The following ADAM2 variants were observed in gnomAD, a reference collection of about 807,000 sequenced individuals.
The protein encoded by ADAM2 is ADAM metallopeptidase domain 2.
In ADAM2, 101 loss-of-function variants were observed where a neutral mutation model predicts 99.3. The observed-to-expected ratio is 1.02, with a 90% CI of 0.87 to 1.20. The LOEUF (loss-of-function observed/expected upper bound fraction) is 1.20, where lower values mean the gene tolerates loss of function less well. Ranked by LOEUF, ADAM2 falls within the 50% of genes most tolerant of loss-of-function variation. ADAM2 has a pLI of 0.00. For synonymous variants in ADAM2, 323 were observed against 287.6 expected (o/e 1.12, Z -1.25); for missense variants, 948 against 878.7 (o/e 1.08, Z -1.00).
In ADAM2 at chr8:39,788,699, T is replaced by G; in HGVS notation, c.612A>C (p.Lys204Asn). 6.3e-7 allele frequency: 1 copy of G among 1,582,598 alleles called. No individual in the cohort carries two copies. The highest frequency in any genetic ancestry group is 8.6e-7 in the Non-Finnish European group (1 of 1,162,324). The part of the protein sequence containing the change: ...MGSDTTVVAQ[K>N]VFQLIGLTNA... ...TCGTCAATCCAATCAACTGGAAAACTTTTTGAGCGACAACAGTTGTATCAG... is the reference window on the plus strand; with the variant it reads ...TCGTCAATCCAATCAACTGGAAAACGTTTTGAGCGACAACAGTTGTATCAG... Residue 204 changes from lysine (K) to asparagine (N), a missense_variant, in exon 8 of 21, where the codon AAA becomes AAC. Coordinates refer to ENST00000265708, the MANE Select transcript of ADAM2 (RefSeq NM_001464.5).
At chr8:39,835,617 A>G (rs1357017687) in intron 2 of ADAM2, among the ~76,000 whole-genome samples, 1 of 151,300 alleles carries the variant, frequency 6.6e-6, no homozygotes, top group East Asian at 2.0e-4. Context: ...TGGGAGGCGG[A>G]GCTTGCAGTG....
intron 20 of ADAM2, among the ~76,000 whole-genome samples, chr8:39,744,613 A>C (rs551209899): frequency 6.6e-6 from 1 of 152,222 alleles, no homozygotes; most frequent in Non-Finnish European, 1.5e-5. Context: ...GGAGGGGAAC[A>C]TCACACACCA....
At chr8:39,775,741 C>A (rs1331175442) in intron 11 of ADAM2, among the ~76,000 whole-genome samples, 2 of 151,944 alleles carry the variant, frequency 1.3e-5, no homozygotes, top group African/African-American at 2.4e-5. Context: ...ATCTGGGATC[C>A]CTATTCCCTT....
chr8:39,781,279 G>A (rs759541999), intron 10 of ADAM2, among the ~76,000 whole-genome samples: 4 of 149,948 alleles, frequency 2.7e-5, no homozygotes, highest in East Asian at 3.9e-4. Flanking sequence ...GTGTGTACTT[G>A]TGTGTGTGTG....
intron 1 of ADAM2, 85 bp downstream of exon 1, chr8:39,838,046 C>T (rs1712249293): frequency 6.8e-7 from 1 of 1,462,644 alleles, no homozygotes; most frequent in African/African-American, 1.4e-5. Flanking sequence ...AAAGCATCCT[C>T]CCAGGGATGT....
At chr8:39,831,297 T>A (rs1294551279) in intron 3 of ADAM2, among the ~76,000 whole-genome samples, 1 of 152,112 alleles carries the variant, frequency 6.6e-6, no homozygotes, top group Non-Finnish European at 1.5e-5. Context: ...CAAGCAGCCC[T>A]ATTATTATGG....
chr8:39,746,688 ATTTCTGTAT>A, intron 18 of ADAM2, 57 bp from the exon 19 acceptor site: 1 of 1,358,852 alleles, frequency 7.4e-7, no homozygotes, highest in Non-Finnish European at 1.0e-6. Context: ...TAGTAAAGAT[ATTTCTGTAT>A]TTTACTACGT....
chr8:39,751,322 T>C (rs144190554), intron 16 of ADAM2, among the ~76,000 whole-genome samples: 11 of 152,324 alleles, frequency 7.2e-5, no homozygotes, highest in Middle Eastern at 3.4e-3. Context: ...TAGTTAGATA[T>C]ATAATTTGCA....
intron 3 of ADAM2, among the ~76,000 whole-genome samples, chr8:39,825,613 A>G (rs1034807062): frequency 6.6e-6 from 1 of 152,022 alleles, no homozygotes; most frequent in Non-Finnish European, 1.5e-5. Flanking sequence ...ATATAAATAT[A>G]TCATCAAAAG....
intron 4 of ADAM2, among the ~76,000 whole-genome samples, chr8:39,821,970 G>A (rs1038347740): frequency 6.6e-6 from 1 of 152,080 alleles, no homozygotes; most frequent in African/African-American, 2.4e-5. Context: ...ATGTTGCATG[G>A]TAGATAAGCA....
At chr8:39,829,788 C>G (rs924386626) in intron 3 of ADAM2, among the ~76,000 whole-genome samples, 2 of 151,786 alleles carry the variant, frequency 1.3e-5, no homozygotes, top group Admixed American at 1.3e-4. Flanking sequence ...GGATGCTATA[C>G]AGTAATAAAA....
At chr8:39,801,178 C>T (rs1290451369) in intron 7 of ADAM2, among the ~76,000 whole-genome samples, 1 of 152,156 alleles carries the variant, frequency 6.6e-6, no homozygotes, top group Non-Finnish European at 1.5e-5. Context: ...TTTGAGGCTG[C>T]TGACCCTTGG....
At chr8:39,748,831 C>T (rs1331236810) in intron 18 of ADAM2, among the ~76,000 whole-genome samples, 1 of 152,090 alleles carries the variant, frequency 6.6e-6, no homozygotes, top group African/African-American at 2.4e-5. Flanking sequence ...TTCTCTATAC[C>T]TCCAGCTCAT....
Position 39,755,767 on chromosome 8 carries a change from CT to C in ADAM2, c.1757del (p.Lys586ArgfsTer4), listed in dbSNP as rs1296620315. ...EFASDHADSQ[K>X]MWIKDGTSCG... ...AAGAAGTTCCATCTTTTATCCACAT[CT>C]TTTGGCTGTCTGCATGATCACTGGC... On this transcript the variant is annotated frameshift_variant, in exon 16 of 21. Transcript: ENST00000265708. LOFTEE classifies it high-confidence loss of function. 5 of 1,613,536 alleles carry C rather than the reference CT, an allele frequency of 3.1e-6. No individual in the cohort carries two copies. The Admixed American group carries it at 6.7e-5, about 22-fold the overall frequency.
intron 18 of ADAM2, among the ~76,000 whole-genome samples, chr8:39,747,519 T>C (rs529008230): frequency 3.3e-5 from 5 of 152,250 alleles, no homozygotes; most frequent in African/African-American, 1.2e-4. Flanking sequence ...TCAACTTAAG[T>C]TTTTCTGAGA....
At chr8:39,804,249 T>G (rs185197719) in intron 7 of ADAM2, among the ~76,000 whole-genome samples, 4 of 152,228 alleles carry the variant, frequency 2.6e-5, no homozygotes, top group Admixed American at 2.6e-4. Flanking sequence ...AATTATTTGA[T>G]GACTTGGATT....
At chr8:39,811,057 G>A (rs527721287) in intron 6 of ADAM2, among the ~76,000 whole-genome samples, 2 of 151,880 alleles carry the variant, frequency 1.3e-5, no homozygotes, top group African/African-American at 2.4e-5. Flanking sequence ...TAATAAAGAA[G>A]AAAAGAGAGA....
At position 39,824,865 on chromosome 8, in the gene ADAM2, C is replaced by A. The variant is rs979084286; in HGVS notation, c.221G>T (p.Ser74Ile). Residue 74 changes from serine (S) to isoleucine (I), a missense_variant, in exon 4 of 21, where the codon AGT (serine) becomes ATT (isoleucine). By Grantham distance (142) the Ser-to-Ile change is moderately radical (BLOSUM62 -2). Coordinates refer to ENST00000265708, the MANE Select transcript of ADAM2 (RefSeq NM_001464.5). ...TTTCATAATTCCTGTGCCACTATAA[C>A]TGTAAACTCTAAAATTATGGGGTAA... Reference protein sequence around the residue: ...NFLPHNFRVYSYSGTGIMKPL... With the variant: ...NFLPHNFRVYIYSGTGIMKPL... 5 of 1,565,544 alleles carry A rather than the reference C, an allele frequency of 3.2e-6. No individual in the cohort carries two copies. Among genetic ancestry groups the A allele is most frequent in the African/African-American group, 2.7e-5 (2 of 73,514 alleles).
intron 1 of ADAM2, among the ~76,000 whole-genome samples, chr8:39,837,780 G>A (rs1455275224): frequency 1.3e-5 from 2 of 152,088 alleles, no homozygotes; most frequent in African/African-American, 2.4e-5. Context: ...AAGCCCCTCA[G>A]GACAAATTAA....
Sources: allele counts gnomAD v4.1 joint callset (sites outside exome capture counted in the v4.1 genomes callset), GRCh38; gene constraint gnomAD v4.1.1; transcripts MANE v1.5; gene names NCBI Gene and HGNC (gene_info 2026-07-23, HGNC 2026-07-21).